Variants in SLC9A9 observed in about 807,000 individuals in gnomAD.
The protein encoded by SLC9A9 is solute carrier family 9 member A9.
SLC9A9 carries 62 observed loss-of-function variants against 77.8 expected under a neutral mutation model. The observed-to-expected ratio is 0.80, with a 90% CI of 0.65 to 0.98. The LOEUF is 0.98. Ranked by LOEUF, SLC9A9 falls within the 50% of genes least tolerant of loss-of-function variation. SLC9A9 has a pLI of 0.00. For synonymous variants in SLC9A9, 320 were observed against 283.5 expected (o/e 1.13, Z -1.29); for missense variants, 775 against 774.9 (o/e 1.00, Z 0.00).
At chr3:143,430,528 C>T (rs1370272920) in intron 12 of SLC9A9, among the ~76,000 whole-genome samples, 1 of 152,198 alleles carries the variant, frequency 6.6e-6, no homozygotes, top group African/African-American at 2.4e-5. Context: ...CCTAGCTAGT[C>T]TACCTGGGGC....
Position 143,735,421 on chromosome 3 carries a change from T to G in SLC9A9, c.534-42114A>C, listed in dbSNP as rs372219590. Among the ~76,000 whole-genome samples the G allele has an allele frequency of 1.4e-4, 21 of 152,308 alleles. No individual in the cohort carries two copies. In the East Asian group the frequency reaches 2.5e-3, roughly 18 times the overall value. On this transcript the variant is annotated intron_variant, in intron 4 of 15. Transcript: ENST00000316549. ...ACTATTAGTAAAATTAGATTTGCAT[T>G]AACACTTCAATGAGCCTAGGAAAAG...
intron 4 of SLC9A9, among the ~76,000 whole-genome samples, chr3:143,710,313 C>T (rs1478939359): frequency 6.6e-6 from 1 of 152,178 alleles, no homozygotes; most frequent in African/African-American, 2.4e-5. Context: ...ACCCTGTGCA[C>T]GCACACGCAG....
At chr3:143,574,216 A>G (rs368901648) in intron 7 of SLC9A9, 23 bp from the exon 8 acceptor site, 3 of 1,579,844 alleles carry the variant, frequency 1.9e-6, no homozygotes, top group Admixed American at 3.3e-5. Flanking sequence ...AGTTAAGGGA[A>G]ACAACAACAG....
At chr3:143,359,333 A>T (rs1385660855) in intron 14 of SLC9A9, among the ~76,000 whole-genome samples, 3 of 152,196 alleles carry the variant, frequency 2.0e-5, no homozygotes, top group Non-Finnish European at 4.4e-5. Flanking sequence ...TCCTGGTTGG[A>T]GGGAACTATT....
intron 5 of SLC9A9, among the ~76,000 whole-genome samples, chr3:143,679,198 T>C (rs73007443): frequency 0.015 from 2,212 of 152,306 alleles, 61 homozygotes; most frequent in African/African-American, 0.051. Flanking sequence ...CATGGAGTAA[T>C]CATTGCTTAG....
intron 9 of SLC9A9, among the ~76,000 whole-genome samples, chr3:143,514,842 A>G (rs1003096233): frequency 6.6e-6 from 1 of 152,118 alleles, no homozygotes; most frequent in Non-Finnish European, 1.5e-5. Flanking sequence ...CAGCAGTAAG[A>G]CTGTTTTGCT....
intron 12 of SLC9A9, among the ~76,000 whole-genome samples, chr3:143,442,589 T>C (rs953841761): frequency 2.0e-5 from 3 of 152,044 alleles, no homozygotes; most frequent in African/African-American, 7.2e-5. Flanking sequence ...AGTGTGGTAG[T>C]GGGTGCCTGT....
At chr3:143,668,290 T>C (rs989383715) in intron 5 of SLC9A9, among the ~76,000 whole-genome samples, 1 of 134,658 alleles carries the variant, frequency 7.4e-6, no homozygotes, top group Non-Finnish European at 1.5e-5. Context: ...ATGAGAACAC[T>C]TGGACACAGG....
chr3:143,694,678 T>C (rs1471971763), intron 4 of SLC9A9, among the ~76,000 whole-genome samples: 1 of 152,168 alleles, frequency 6.6e-6, no homozygotes, highest in South Asian at 2.1e-4. Flanking sequence ...GAAGCCCAGA[T>C]GTGAATTGAG....
rs111705460 is a variant in SLC9A9, at chr3:143,674,709, G to C, written c.649+18483C>G. ...AACAGCACTTTCTACTGGGAACTAG[G>C]ACTCCTGCAGTTCACATTCTCTGAG... On this transcript the variant is annotated intron_variant, in intron 5 of 15. Transcript: ENST00000316549. 8.3e-3 allele frequency among the ~76,000 whole-genome samples: 1,268 copies of C among 152,170 alleles called. 18 individuals carry two copies. The highest frequency in any genetic ancestry group is 0.029 in the African/African-American group (1,188 of 41,520).
chr3:143,745,312 G>A (rs1935175821), intron 4 of SLC9A9, among the ~76,000 whole-genome samples: 1 of 152,136 alleles, frequency 6.6e-6, no homozygotes, highest in African/African-American at 2.4e-5. Context: ...TATTTTTATT[G>A]ATGAAGTACA....
At chr3:143,829,369 C>T (rs190924235) in intron 2 of SLC9A9, among the ~76,000 whole-genome samples, 68 of 152,174 alleles carry the variant, frequency 4.5e-4, no homozygotes, top group Middle Eastern at 3.4e-3. Flanking sequence ...TTCATGAAGC[C>T]CTCTTCAATT....
intron 14 of SLC9A9, among the ~76,000 whole-genome samples, chr3:143,350,005 A>C (rs1026991001): frequency 1.3e-5 from 2 of 152,208 alleles, no homozygotes; most frequent in African/African-American, 4.8e-5. Context: ...TAAATGGAGC[A>C]GGTTCATATA....
In SLC9A9 at chr3:143,565,166, C is replaced by T. The variant is rs534673420; in HGVS notation, c.1000+8922G>A. 3.9e-5 allele frequency among the ~76,000 whole-genome samples: 6 copies of T among 152,276 alleles called. No individual in the cohort carries two copies. In the South Asian group the frequency reaches 1.2e-3, roughly 32 times the overall value. On this transcript the variant is annotated intron_variant, in intron 8 of 15. Coordinates refer to ENST00000316549, the MANE Select transcript of SLC9A9 (RefSeq NM_173653.4). ...TACCCTTGTGTGGAATTCTGAAGGT[C>T]CTGGAATGAACTGATTATTGTGTCT...
chr3:143,726,873 T>G (rs1416985242), intron 4 of SLC9A9, among the ~76,000 whole-genome samples: 1 of 152,202 alleles, frequency 6.6e-6, no homozygotes, highest in Non-Finnish European at 1.5e-5. Context: ...AATCCATCAT[T>G]GCAAAAGCAG....
chr3:143,399,361 C>T lies in SLC9A9; in HGVS notation c.1470-17247G>A, dbSNP rs573160206. ...ACCATTGGGCTGAAGTGCATGCTTGCGTGCATGACTATGTTAAAAAGAAAT... is the reference window on the plus strand; with the variant it reads ...ACCATTGGGCTGAAGTGCATGCTTGTGTGCATGACTATGTTAAAAAGAAAT... On this transcript the variant is annotated intron_variant, in intron 12 of 15. Coordinates refer to ENST00000316549, the MANE Select transcript of SLC9A9 (RefSeq NM_173653.4). 4.6e-5 allele frequency among the ~76,000 whole-genome samples: 7 copies of T among 152,126 alleles called. No individual in the cohort carries two copies. In the South Asian group the frequency reaches 6.2e-4, roughly 14 times the overall value.
chr3:143,589,092 A>G (rs2037606278), intron 6 of SLC9A9, among the ~76,000 whole-genome samples: 1 of 152,224 alleles, frequency 6.6e-6, no homozygotes, highest in Non-Finnish European at 1.5e-5. Context: ...CACGGTTGAA[A>G]ATAGAGAAGG....
chr3:143,344,932 T>TA (rs757294672), intron 14 of SLC9A9, among the ~76,000 whole-genome samples: 21 of 152,350 alleles, frequency 1.4e-4, no homozygotes, highest in Middle Eastern at 3.4e-3. Context: ...GATTCTGAAG[T>TA]ATTTATCATG....
At chr3:143,783,570 C>A (rs907100928) in intron 4 of SLC9A9, among the ~76,000 whole-genome samples, 8 of 152,048 alleles carry the variant, frequency 5.3e-5, no homozygotes, top group African/African-American at 1.9e-4. Flanking sequence ...TGTTATCAAC[C>A]TAAAATGGAT....
Sources: allele counts gnomAD v4.1 joint callset (sites outside exome capture counted in the v4.1 genomes callset), GRCh38; gene constraint gnomAD v4.1.1; transcripts MANE v1.5; gene names NCBI Gene and HGNC (gene_info 2026-07-23, HGNC 2026-07-21).